The following ROBO2 variants were observed in gnomAD, a reference collection of about 807,000 sequenced individuals.
ROBO2 encodes roundabout homolog 2.
In ROBO2, 53 loss-of-function variants were observed where a neutral mutation model predicts 160.8. That is an observed-to-expected ratio of 0.33 (90% confidence interval 0.26 to 0.41). The LOEUF is 0.41. ROBO2 is among the 10% of genes least tolerant of loss of function. The pLI, the probability that ROBO2 is intolerant of heterozygous loss-of-function variation, is 1.00. For missense variants in ROBO2, 1,577 were observed against 1,722.4 expected (o/e 0.92, Z 1.49); for synonymous variants, 664 against 611.7 (o/e 1.09, Z -1.26).
At chr3:77,051,792 G>A (rs1281347644) in intron 1 of ROBO2, among the ~76,000 whole-genome samples, 1 of 152,164 alleles carries the variant, frequency 6.6e-6, no homozygotes, top group African/African-American at 2.4e-5. Context: ...ACCTGGGAGG[G>A]GCAATCTCCC....
intron 2 of ROBO2, among the ~76,000 whole-genome samples, chr3:76,864,675 T>C (rs2071167339): frequency 6.6e-6 from 1 of 152,078 alleles, no homozygotes; most frequent in Non-Finnish European, 1.5e-5. Flanking sequence ...AGTTTAGCTA[T>C]CCCTTGATAG....
intron 6 of ROBO2, among the ~76,000 whole-genome samples, chr3:77,537,308 G>A (rs1025132019): frequency 4.6e-5 from 7 of 152,040 alleles, no homozygotes; most frequent in Admixed American, 4.6e-4. Context: ...GATATTATAT[G>A]AACCCTCCAA....
At chr3:77,632,742 G>A in intron 23 of ROBO2, 1 of 1,235,278 alleles carries the variant, frequency 8.1e-7, no homozygotes, top group African/African-American at 1.5e-5. Flanking sequence ...TTTCTCCTTA[G>A]TGAGTCTGAC....
chr3:77,507,045 C>A (rs1375296331), intron 5 of ROBO2, among the ~76,000 whole-genome samples: 2 of 152,102 alleles, frequency 1.3e-5, no homozygotes, highest in Non-Finnish European at 2.9e-5. Flanking sequence ...ATATTCCTTG[C>A]ACATCAGATA....
intron 2 of ROBO2, among the ~76,000 whole-genome samples, chr3:76,511,494 G>A (rs1335747894): frequency 2.0e-5 from 3 of 152,142 alleles, no homozygotes; most frequent in South Asian, 4.1e-4. Flanking sequence ...TTCCCAAAAT[G>A]TGGCTTTATT....
intron 2 of ROBO2, among the ~76,000 whole-genome samples, chr3:76,904,790 T>C (rs537143072): frequency 6.6e-6 from 1 of 152,288 alleles, no homozygotes; most frequent in East Asian, 1.9e-4. Flanking sequence ...ATCTTATATT[T>C]TGTATTCCCA....
intron 2 of ROBO2, among the ~76,000 whole-genome samples, chr3:76,091,669 G>A (rs2069241847): frequency 1.3e-5 from 2 of 152,150 alleles, no homozygotes; most frequent in Admixed American, 6.5e-5. Flanking sequence ...AAATTTGGAA[G>A]CAACTAAGAT....
intron 2 of ROBO2, among the ~76,000 whole-genome samples, chr3:76,609,684 G>C (rs2087935079): frequency 6.6e-6 from 1 of 152,092 alleles, no homozygotes; most frequent in Non-Finnish European, 1.5e-5. Context: ...TTTGACTTCT[G>C]CCTTTACAAT....
At chr3:76,809,477 CAT>C (rs1184420909) in intron 2 of ROBO2, among the ~76,000 whole-genome samples, 4 of 152,168 alleles carry the variant, frequency 2.6e-5, no homozygotes, top group Admixed American at 6.6e-5. Context: ...CCTTATATAA[CAT>C]AGCATATTCA....
intron 2 of ROBO2, among the ~76,000 whole-genome samples, chr3:76,462,222 A>T (rs1479667122): frequency 6.6e-6 from 1 of 152,190 alleles, no homozygotes; most frequent in African/African-American, 2.4e-5. Flanking sequence ...TATTTGCCAA[A>T]TGTCGATTTT....
chr3:76,842,706 TA>T (rs1193656637), intron 2 of ROBO2, among the ~76,000 whole-genome samples: 13 of 152,324 alleles, frequency 8.5e-5, no homozygotes, highest in African/African-American at 2.6e-4. Flanking sequence ...GGTTTATAAA[TA>T]TTTTTTTATT....
chr3:76,213,534 T>G (rs1703288230), intron 2 of ROBO2, among the ~76,000 whole-genome samples: 1 of 152,134 alleles, frequency 6.6e-6, no homozygotes, highest in Admixed American at 6.5e-5. Context: ...TAGTGTATTC[T>G]TTTTTCTAAG....
At chr3:76,806,634 G>A (rs2064744283) in intron 2 of ROBO2, among the ~76,000 whole-genome samples, 4 of 152,082 alleles carry the variant, frequency 2.6e-5, no homozygotes, top group Admixed American at 2.0e-4. Context: ...TGGCACACTC[G>A]TCATTTAAAA....
At chr3:76,867,535 G>A (rs1325350222) in intron 2 of ROBO2, among the ~76,000 whole-genome samples, 1 of 152,120 alleles carries the variant, frequency 6.6e-6, no homozygotes, top group Admixed American at 6.6e-5. Context: ...TCAATTTGGG[G>A]ACACTTTTCG....
intron 19 of ROBO2, among the ~76,000 whole-genome samples, chr3:77,598,050 T>G (rs1689071213): frequency 6.6e-6 from 1 of 152,134 alleles, no homozygotes. Flanking sequence ...TTAATTAGAA[T>G]AGTGCTGTAA....
chr3:77,550,380 T>C (rs2092872106), intron 7 of ROBO2, among the ~76,000 whole-genome samples: 1 of 152,028 alleles, frequency 6.6e-6, no homozygotes, highest in Non-Finnish European at 1.5e-5. Flanking sequence ...ACAGCAATCA[T>C]ATTTTGCATT....
intron 2 of ROBO2, among the ~76,000 whole-genome samples, chr3:76,238,620 C>T (rs1427015789): frequency 1.3e-5 from 2 of 150,934 alleles, no homozygotes; most frequent in African/African-American, 4.9e-5. Context: ...TAATCACCTC[C>T]CCCCAGGTTT....
intron 2 of ROBO2, among the ~76,000 whole-genome samples, chr3:77,125,882 G>T (rs751664796): frequency 1.3e-5 from 2 of 152,038 alleles, no homozygotes; most frequent in African/African-American, 4.8e-5. Context: ...GCTATGTTTA[G>T]TTCACTTCTA....
intron 2 of ROBO2, among the ~76,000 whole-genome samples, chr3:76,446,626 C>T (rs1305142979): frequency 3.3e-5 from 5 of 152,180 alleles, no homozygotes; most frequent in Non-Finnish European, 7.3e-5. Flanking sequence ...CATCACACTA[C>T]CTGACTTCAA....
Sources: allele counts gnomAD v4.1 joint callset (sites outside exome capture counted in the v4.1 genomes callset), GRCh38; gene constraint gnomAD v4.1.1; transcripts MANE v1.5; gene names NCBI Gene and HGNC (gene_info 2026-07-23, HGNC 2026-07-21).